Variants in SPTAN1 observed in about 807,000 individuals in gnomAD.
The protein encoded by SPTAN1 is spectrin alpha, non-erythrocytic 1, also known as spectrin alpha chain, non-erythrocytic 1.
A neutral mutation model predicts 331.3 loss-of-function variants in SPTAN1; 61 were observed. The observed-to-expected ratio is 0.18, with a 90% CI of 0.15 to 0.23. The LOEUF (loss-of-function observed/expected upper bound fraction) is 0.23, where lower values mean the gene tolerates loss of function less well. Ranked by LOEUF, SPTAN1 falls within the 10% of genes least tolerant of loss-of-function variation. The pLI, the probability that SPTAN1 is intolerant of heterozygous loss-of-function variation, is 1.00. For missense variants in SPTAN1, 2,043 were observed against 3,147.9 expected, an observed-to-expected ratio of 0.65 and a Z score of 8.40; for synonymous variants, 1,153 against 1,173.9, an observed-to-expected ratio of 0.98 and a Z score of 0.36.
intron 1 of SPTAN1, among the ~76,000 whole-genome samples, chr9:128,560,114 C>T (rs1214772881): frequency 2.4e-5 from 3 of 126,856 alleles, no homozygotes; most frequent in Admixed American, 8.6e-5. Context: ...GACAGAGTCT[C>T]GCTCTGTCGC....
chr9:128,627,536 C>G lies in SPTAN1; in HGVS notation c.6689+38C>G. ...TGGGGCCGGGGAGCAGCAGCATGTC[C>G]CTGCTGTACTTAAGCCCTGGGGAGC... On this transcript the variant is annotated intron_variant, in intron 50 of 56. Transcript: ENST00000372739. The surrounding 1 kb of genome is among the most constrained non-coding windows in gnomAD (Gnocchi z 4.9). 4.6e-6 allele frequency: 7 copies of G among 1,516,718 alleles called. No individual in the cohort carries two copies. The highest frequency in any genetic ancestry group is 6.3e-6 in the Non-Finnish European group (7 of 1,115,940). 94.0% of individuals were successfully genotyped at this position (1,516,718 alleles called of 1,614,324 possible).
chr9:128,624,086 CAAAAAAAAAAAAAAA>C (rs11444346), intron 45 of SPTAN1, among the ~76,000 whole-genome samples: 1 of 66,812 alleles, frequency 1.5e-5, no homozygotes, highest in South Asian at 5.2e-4. Context: ...CACTCCGTCT[CAAAAAAAAAAAAAAA>C]AAAAAAAAAA....
intron 48 of SPTAN1, 75 bp downstream of exon 48, chr9:128,626,053 C>T: frequency 2.6e-6 from 4 of 1,552,190 alleles, no homozygotes; most frequent in East Asian, 2.3e-5. Flanking sequence ...CTGCCCAGCT[C>T]TGCCACTCCC....
At chr9:128,603,487 ATC>A (rs1274348698) in intron 27 of SPTAN1, 54 bp from the exon 28 acceptor site, 1 of 1,601,630 alleles carries the variant, frequency 6.2e-7, no homozygotes, top group Non-Finnish European at 8.6e-7. Context: ...TGCAGCTCAG[ATC>A]TCTAATTGCC....
chr9:128,625,045 C>T lies in SPTAN1; in HGVS notation c.5993-58C>T. Reference sequence around the variant, plus strand: ...GGTTTGTCTGGGTTTTGATGTTTTTCCTTTCTAATCCATCTCCACTGAGGA... The same window carrying T: ...GGTTTGTCTGGGTTTTGATGTTTTTTCTTTCTAATCCATCTCCACTGAGGA... On this transcript the variant is annotated intron_variant, in intron 46 of 56. Transcript: ENST00000372739. This position sits in a 1 kb window ranked among gnomAD's most constrained non-coding sequence, Gnocchi z 4.1. 1 of 1,527,798 alleles carries T rather than the reference C, an allele frequency of 6.5e-7. No individual in the cohort carries two copies. The highest frequency in any genetic ancestry group is 1.9e-4 in the Middle Eastern group (1 of 5,400). The allele number at this position is 1,527,798 out of a possible 1,614,324, so 94.6% of individuals were successfully genotyped here.
At chr9:128,624,987 A>C (rs932791037) in intron 46 of SPTAN1, 116 bp from the exon 47 acceptor site, 4 of 987,972 alleles carry the variant, frequency 4.0e-6, no homozygotes, top group Non-Finnish European at 6.4e-6. Context: ...GGCTGTAGTT[A>C]GGAAGATTGG....
At chr9:128,623,148 C>T (rs1181088373) in intron 45 of SPTAN1, among the ~76,000 whole-genome samples, 2 of 151,874 alleles carry the variant, frequency 1.3e-5, no homozygotes, top group Non-Finnish European at 2.9e-5. Flanking sequence ...CTCTGCCTCC[C>T]GGGTTTCAGC....
intron 45 of SPTAN1, 62 bp downstream of exon 45, chr9:128,621,318 C>A: frequency 7.0e-7 from 1 of 1,437,608 alleles, no homozygotes; most frequent in Non-Finnish European, 9.7e-7. Flanking sequence ...GTTGGTACCA[C>A]AGAGGTCCCC....
intron 23 of SPTAN1, chr9:128,593,517 T>C (rs1853813146): frequency 4.8e-6 from 1 of 206,498 alleles, no homozygotes; most frequent in Non-Finnish European, 1.0e-5. Context: ...TCAAAGATAA[T>C]ATTTCAGCCT....
At chr9:128,598,536 T>G (rs2131439726) in intron 25 of SPTAN1, 32 bp downstream of exon 25, 9 of 1,507,128 alleles carry the variant, frequency 6.0e-6, no homozygotes, top group Non-Finnish European at 8.2e-6. Flanking sequence ...TGAGGCTCTG[T>G]TGCTGTAAGG....
chr9:128,569,392 T>G (rs1450420438), intron 3 of SPTAN1, among the ~76,000 whole-genome samples: 2 of 152,062 alleles, frequency 1.3e-5, no homozygotes, highest in Non-Finnish European at 2.9e-5. Context: ...TATTGGTCAA[T>G]GACCATGGTG....
chr9:128,567,034 C>A, intron 2 of SPTAN1, 57 bp downstream of exon 2: 1 of 1,610,328 alleles, frequency 6.2e-7, no homozygotes, highest in South Asian at 1.1e-5. Context: ...TGTTCTTACC[C>A]AAAAATCAGA....
At chr9:128,633,181 G>A in intron 56 of SPTAN1, 28 bp from the exon 57 acceptor site, 2 of 1,613,608 alleles carry the variant, frequency 1.2e-6, no homozygotes, top group South Asian at 1.1e-5. Context: ...GCTGGCTCAG[G>A]CACCAGGTGC....
chr9:128,598,962 G>C lies in SPTAN1; in HGVS notation c.3520-1G>C. The stretch of plus-strand genomic sequence containing the variant: ...AAACTGGTTTCTCTCTCTCCTTGTA[G>C]GAAGTGTATGGCATGATGCCCAGGG... On this transcript the variant is annotated splice_acceptor_variant, in intron 25 of 56. Coordinates refer to ENST00000372739, the MANE Select transcript of SPTAN1 (RefSeq NM_001130438.3). LOFTEE classifies it high-confidence loss of function. 1.9e-6 allele frequency: 3 copies of C among 1,613,802 alleles called. No homozygotes were observed. Among genetic ancestry groups the C allele is most frequent in the South Asian group, 2.2e-5 (2 of 91,080 alleles).
At chr9:128,563,111 C>T (rs534923448) in intron 1 of SPTAN1, among the ~76,000 whole-genome samples, 5 of 150,784 alleles carry the variant, frequency 3.3e-5, no homozygotes, top group Admixed American at 2.0e-4. Flanking sequence ...AAGGACTTGA[C>T]GTCTGTTTTA....
In SPTAN1 at chr9:128,580,426, TAATGATTTA is replaced by T. The variant is rs1851804483; in HGVS notation, c.1324-495_1324-487del. Among the ~76,000 whole-genome samples the T allele has an allele frequency of 7.9e-5, 12 of 151,958 alleles. 1 individual carries two copies. The South Asian group carries it at 2.5e-3, about 32-fold the overall frequency. ...AAATTGCCTAGGAACATTAGATAAA[TAATGATTTA>T]TATGATTTATATGTTTTTTAGTATT... is the stretch of plus-strand genomic sequence containing the variant. On this transcript the variant is annotated intron_variant, in intron 10 of 56. Coordinates refer to ENST00000372739, the MANE Select transcript of SPTAN1 (RefSeq NM_001130438.3).
chr9:128,588,087 TC>T lies in SPTAN1; in HGVS notation c.2871+392del, dbSNP rs531818719. Among the ~76,000 whole-genome samples the T allele has an allele frequency of 7.7e-3, 1,161 of 149,892 alleles. 21 individuals carry two copies. The highest frequency in any genetic ancestry group is 0.027 in the African/African-American group (1,113 of 40,740). The stretch of plus-strand genomic sequence containing the variant: ...ATCTTGGCTCACTGCAACCTCTGCC[TC>T]CCAGGTTGAAGCAATTACCCTGCCT... On this transcript the variant is annotated intron_variant, in intron 20 of 56. Transcript: ENST00000372739.
chr9:128,631,984 C>T, intron 52 of SPTAN1, 143 bp from the exon 53 acceptor site: 1 of 799,880 alleles, frequency 1.3e-6, no homozygotes, highest in Non-Finnish European at 2.0e-6. Flanking sequence ...CACCCCATCC[C>T]ACTATTCCTA....
chr9:128,614,315 G>C (rs767505478), intron 40 of SPTAN1, among the ~76,000 whole-genome samples: 10 of 152,032 alleles, frequency 6.6e-5, no homozygotes, highest in Non-Finnish European at 1.5e-4. Context: ...AATTAGGCTG[G>C]GCATGGTGAG....
Sources: gnomAD v4.1 joint callset for allele counts (sites outside exome capture counted in the v4.1 genomes callset) on GRCh38, gnomAD v4.1.1 for gene constraint, Gnocchi (gnomAD v3.1) non-coding constraint, MANE v1.5 for transcripts, NCBI Gene and HGNC (gene_info 2026-07-23, HGNC 2026-07-21) for gene names.